The following CHD8 variants were observed in gnomAD, a reference collection of about 807,000 sequenced individuals.
CHD8 encodes chromodomain helicase DNA binding protein 8, also known as ATP-dependent chromatin remodeler CHD8.
Under a neutral mutation model 279.2 loss-of-function variants are expected in CHD8, and 31 were observed. The ratio of observed to expected loss-of-function variants is 0.11; its 90% CI spans 0.08 to 0.15. The LOEUF is 0.15. CHD8 is among the 10% of genes least tolerant of loss of function. The pLI, the probability that CHD8 is intolerant of heterozygous loss-of-function variation, is 1.00. For missense variants in CHD8, 2,146 were observed against 3,230.5 expected (o/e 0.66, Z 8.14); for synonymous variants, 1,081 against 1,139.6 (o/e 0.95, Z 1.04).
At chr14:21,389,468 G>A (rs1246977629) in intron 37 of CHD8, among the ~76,000 whole-genome samples, 1 of 151,922 alleles carries the variant, frequency 6.6e-6, no homozygotes, top group African/African-American at 2.4e-5. Flanking sequence ...AAAATTAGCT[G>A]GGTATGGTAG....
intron 16 of CHD8, among the ~76,000 whole-genome samples, chr14:21,404,156 G>A (rs369551437): frequency 2.6e-5 from 4 of 151,830 alleles, no homozygotes; most frequent in African/African-American, 9.7e-5. Context: ...CCAGCACTTT[G>A]GGAGACCGAA....
intron 4 of CHD8, chr14:21,427,611 TCTTGCC>T (rs1484173835): frequency 6.8e-7 from 1 of 1,461,384 alleles, no homozygotes; most frequent in Non-Finnish European, 9.0e-7. Context: ...TTGAGCTTGC[TCTTGCC>T]CTTTGTTTTG....
chr14:21,436,976 C>A, intron 1 of CHD8: 2 of 1,277,456 alleles, frequency 1.6e-6, no homozygotes, highest in Non-Finnish European at 2.0e-6. Context: ...CTGGAGACCC[C>A]AAAATGGAAA....
intron 5 of CHD8, among the ~76,000 whole-genome samples, chr14:21,422,914 G>C (rs559478965): frequency 6.6e-6 from 1 of 152,182 alleles, no homozygotes; most frequent in Admixed American, 6.5e-5. Context: ...GGGAAACAGA[G>C]CAAGACTCTG....
intron 1 of CHD8, among the ~76,000 whole-genome samples, chr14:21,434,561 T>C (rs543720724): frequency 6.6e-6 from 1 of 152,220 alleles, no homozygotes; most frequent in South Asian, 2.1e-4. Context: ...CCATATGACT[T>C]AGTATAAGCT....
At chr14:21,419,605 C>A in intron 5 of CHD8, 1 of 162,188 alleles carries the variant, frequency 6.2e-6, no homozygotes, top group South Asian at 1.3e-4. Context: ...TCCTGGGTGC[C>A]GTACACTGGA....
chr14:21,414,128 T>C, intron 9 of CHD8, 173 bp downstream of exon 9: 1 of 576,084 alleles, frequency 1.7e-6, no homozygotes, highest in Non-Finnish European at 3.1e-6. Context: ...TATTTAAACC[T>C]AACAAAACAA....
chr14:21,445,631 G>A (rs1209343458), intron 1 of CHD8, among the ~76,000 whole-genome samples: 1 of 145,762 alleles, frequency 6.9e-6, no homozygotes, highest in East Asian at 2.1e-4. Context: ...AGAGGCTGCA[G>A]TGAGGCAAAA....
At chr14:21,394,600 A>G (rs1482021992) in intron 30 of CHD8, 115 bp from the exon 31 acceptor site, 29 of 305,014 alleles carry the variant, frequency 9.5e-5, no homozygotes, top group Non-Finnish European at 1.1e-4. Flanking sequence ...AATTGAAAGT[A>G]GACGCAAAAA....
At chr14:21,418,977 TTCAC>T (rs1888884751) in intron 5 of CHD8, among the ~76,000 whole-genome samples, 1 of 152,240 alleles carries the variant, frequency 6.6e-6, no homozygotes, top group African/African-American at 2.4e-5. Flanking sequence ...AAACATTTTC[TTCAC>T]TTGGTGAAGT....
rs369671712 is a variant in CHD8 at position 21,443,855 on chromosome 14, C to CAAAA, written c.-215-12001_-215-11998dup. ...TGGGCAACAGAGCGAGACTCCGTCTCAAAAAAAAAAAAAAAAAAAAAAAAC... is the reference window on the plus strand; with the variant it reads ...TGGGCAACAGAGCGAGACTCCGTCTCAAAAAAAAAAAAAAAAAAAAAAAAAAAAC... On this transcript the variant is annotated intron_variant, in intron 1 of 37. Transcript: ENST00000646647. Among the ~76,000 whole-genome samples the CAAAA allele has an allele frequency of 2.0e-3, 94 of 46,618 alleles. 1 individual carries two copies. The highest frequency in any genetic ancestry group is 3.6e-3 in the African/African-American group (44 of 12,390). 30.6% of individuals were successfully genotyped at this position (46,618 alleles called of 152,430 possible).
chr14:21,413,395 C>T (rs924045668), intron 9 of CHD8, among the ~76,000 whole-genome samples: 6 of 141,296 alleles, frequency 4.2e-5, no homozygotes, highest in Non-Finnish European at 9.3e-5. Context: ...ATACCTAAAC[C>T]TTTTTTTTTT....
chr14:21,409,171 G>C (rs11623188), intron 11 of CHD8, among the ~76,000 whole-genome samples: 39,164 of 152,076 alleles, frequency 0.26, 5,195 homozygotes, highest in East Asian at 0.35. Context: ...ACGGCTAGTG[G>C]CTACTGTATT....
intron 1 of CHD8, among the ~76,000 whole-genome samples, chr14:21,448,880 AAGG>A (rs377070107): frequency 4.8e-5 from 7 of 146,860 alleles, no homozygotes; most frequent in African/African-American, 1.7e-4. Flanking sequence ...GAACTTTTAA[AAGG>A]AGGAGGCTGG....
Position 21,422,960 on chromosome 14 carries a change from G to C in CHD8, c.1716+3168C>G, listed in dbSNP as rs10130503. Among the ~76,000 whole-genome samples the C allele has an allele frequency of 6.4e-3, 967 of 152,142 alleles. 11 individuals carry two copies. The highest frequency in any genetic ancestry group is 0.051 in the East Asian group (265 of 5,166). ...AAAGAAGGCCAGGCACGTGGCTCAC[G>C]CCTCTAATGCCAGCATTTTGGGAGG... On this transcript the variant is annotated intron_variant, in intron 5 of 37. Transcript: ENST00000646647.
At chr14:21,441,782 G>T (rs1250997633) in intron 1 of CHD8, among the ~76,000 whole-genome samples, 1 of 152,168 alleles carries the variant, frequency 6.6e-6, no homozygotes, top group South Asian at 2.1e-4. Context: ...CCAGCTACTA[G>T]GGAGGCTGAG....
chr14:21,415,684 A>G (rs751816949), intron 6 of CHD8, 41 bp downstream of exon 6: 13 of 1,612,268 alleles, frequency 8.1e-6, no homozygotes, highest in Non-Finnish European at 9.3e-6. Flanking sequence ...GATTGTGACC[A>G]GCAAGGCAAT....
chr14:21,414,534 G>A, intron 8 of CHD8, 116 bp from the exon 9 acceptor site: 1 of 638,512 alleles, frequency 1.6e-6, no homozygotes, highest in East Asian at 2.7e-5. Context: ...TAAATTGGGA[G>A]ACAGTCTCTT....
In CHD8 at chr14:21,403,910, C is replaced by T. The variant is rs1888142788; in HGVS notation, c.3308-247G>A. 6.6e-6 allele frequency among the ~76,000 whole-genome samples: 1 copy of T among 152,060 alleles called. No homozygotes were observed. Among genetic ancestry groups the T allele is most frequent in the Admixed American group, 6.6e-5 (1 of 15,258 alleles). ...GGTCAGGAGTTCGAGACCAGTCTGGCCAACATGGTGAAACCCCGTCTCTAC... is the reference window on the plus strand; with the variant it reads ...GGTCAGGAGTTCGAGACCAGTCTGGTCAACATGGTGAAACCCCGTCTCTAC... On this transcript the variant is annotated intron_variant, in intron 16 of 37. Coordinates refer to ENST00000646647, the MANE Select transcript of CHD8 (RefSeq NM_001170629.2). This position sits in a 1 kb window ranked among gnomAD's most constrained non-coding sequence, Gnocchi z 4.3.
Sources: gnomAD v4.1 joint callset for allele counts (sites outside exome capture counted in the v4.1 genomes callset) on GRCh38, gnomAD v4.1.1 for gene constraint, Gnocchi (gnomAD v3.1) non-coding constraint, MANE v1.5 for transcripts, NCBI Gene and HGNC (gene_info 2026-07-23, HGNC 2026-07-21) for gene names.